Variants in TAPT1 observed in about 807,000 individuals in gnomAD.
TAPT1 encodes transmembrane anterior posterior transformation protein 1 homolog.
In TAPT1, 28 loss-of-function variants were observed where a neutral mutation model predicts 65.6. The ratio of observed to expected loss-of-function variants is 0.43; its 90% CI spans 0.32 to 0.59. The LOEUF (loss-of-function observed/expected upper bound fraction) is 0.59. Ranked by LOEUF, TAPT1 falls within the 20% of genes least tolerant of loss-of-function variation. TAPT1 has a pLI of 0.09. For missense variants in TAPT1, 563 were observed against 679.9 expected (o/e 0.83, Z 1.91); for synonymous variants, 278 against 245.2 (o/e 1.13, Z -1.25).
At chr4:16,222,840 T>C (rs571849268) in intron 1 of TAPT1, among the ~76,000 whole-genome samples, 24 of 152,302 alleles carry the variant, frequency 1.6e-4, no homozygotes, top group African/African-American at 4.3e-4. Flanking sequence ...GTTTTAGAAG[T>C]CCAGAGTCAC....
At chr4:16,190,209 G>C (rs1370049730) in intron 4 of TAPT1, 4 of 152,294 alleles carry the variant, frequency 2.6e-5, no homozygotes, top group Non-Finnish European at 4.4e-5. Context: ...TGCAGCTTCA[G>C]AGCAGAAAGG....
At position 16,162,528 on chromosome 4, in the gene TAPT1, C is replaced by T. The variant is rs1747322991; in HGVS notation, c.*780G>A. 6.5e-6 allele frequency: 1 copy of T among 152,962 alleles called. No individual in the cohort carries two copies. Among genetic ancestry groups the T allele is most frequent in the Admixed American group, 6.5e-5 (1 of 15,342 alleles). The allele number at this position is 152,962 out of a possible 1,614,324, so 9.5% of individuals were successfully genotyped here. ...TAAGTATACCTTAAAGTTAACACTG[C>T]TCTGCTTCCTTGGTGTAAAAAGTGC... On this transcript the variant is annotated 3_prime_UTR_variant, in exon 14 of 14. Transcript: ENST00000405303.
chr4:16,216,747 G>T (rs1258277343), intron 1 of TAPT1, among the ~76,000 whole-genome samples: 1 of 152,042 alleles, frequency 6.6e-6, no homozygotes, highest in Non-Finnish European at 1.5e-5. Flanking sequence ...CTCTCTCCAG[G>T]TTATTGCAAA....
At chr4:16,185,408 A>G (rs1197169446) in intron 7 of TAPT1, among the ~76,000 whole-genome samples, 1 of 150,792 alleles carries the variant, frequency 6.6e-6, no homozygotes, top group East Asian at 2.0e-4. Flanking sequence ...CACTCTAGTC[A>G]CCCAGGCTGG....
Position 16,226,424 on chromosome 4 carries a change from C to T in TAPT1, c.34G>A (p.Glu12Lys), listed in dbSNP as rs1371169744. Residue 12 changes from glutamate to lysine, a missense_variant, in exon 1 of 14, where the codon GAA (glutamate) becomes AAA (lysine). By Grantham distance (56) the Glu-to-Lys change is moderately conservative (BLOSUM62 1). This residue lies in a region of TAPT1 where 103 missense variants were observed against 89.4 expected (regional missense o/e 1.15). Coordinates refer to ENST00000405303, the MANE Select transcript of TAPT1 (RefSeq NM_153365.3). ...AGVGDAAAPG[E>K]GGGGGVDGPQ... ...CCGTCCACGCCGCCACCGCCGCCTT[C>T]TCCCGGAGCGGCCGCGTCGCCGACG... 1 of 1,083,766 alleles carries T rather than the reference C, an allele frequency of 9.2e-7. No homozygotes were observed. 67.1% of individuals were successfully genotyped at this position (1,083,766 alleles called of 1,614,324 possible).
At chr4:16,185,367 G>A (rs317871) in intron 7 of TAPT1, among the ~76,000 whole-genome samples, 71,379 of 150,974 alleles carry the variant, frequency 0.47, 18,043 homozygotes, top group African/African-American at 0.66. Context: ...TGGAATCATC[G>A]TAATTTTTTT....
At chr4:16,213,246 G>A (rs1391464492) in intron 2 of TAPT1, among the ~76,000 whole-genome samples, 4 of 152,184 alleles carry the variant, frequency 2.6e-5, no homozygotes, top group African/African-American at 7.2e-5. Context: ...AATAAGACAC[G>A]TGAAGATGTA....
chr4:16,213,028 G>A lies in TAPT1; in HGVS notation c.330+740C>T, dbSNP rs374679808. Among the ~76,000 whole-genome samples, 40 of 152,296 alleles carry A rather than the reference G, an allele frequency of 2.6e-4. 1 individual carries two copies. In the East Asian group the frequency reaches 2.9e-3, roughly 11 times the overall value. On this transcript the variant is annotated intron_variant, in intron 2 of 13. Transcript: ENST00000405303. ...ACTCCAACAGAAAGTATGATTCTAAGAAGACGACTGGACTATTACAAGATT... is the reference window on the plus strand; with the variant it reads ...ACTCCAACAGAAAGTATGATTCTAAAAAGACGACTGGACTATTACAAGATT...
chr4:16,184,848 T>G (rs1249950081), intron 7 of TAPT1, among the ~76,000 whole-genome samples: 1 of 152,256 alleles, frequency 6.6e-6, no homozygotes, highest in East Asian at 1.9e-4. Flanking sequence ...GTTTGTTATA[T>G]ATTCAGAAAA....
At chr4:16,166,891 T>C (rs1342095786) in intron 12 of TAPT1, 98 bp from the exon 13 acceptor site, 1 of 1,183,546 alleles carries the variant, frequency 8.4e-7, no homozygotes, top group Non-Finnish European at 1.2e-6. Flanking sequence ...TGGGGGGGCA[T>C]GGGACGGTGA....
intron 12 of TAPT1, among the ~76,000 whole-genome samples, chr4:16,170,123 C>T (rs1747898942): frequency 6.6e-6 from 1 of 152,202 alleles, no homozygotes; most frequent in Non-Finnish European, 1.5e-5. Flanking sequence ...TTTCTTCATA[C>T]CATTTATTTC....
Position 16,163,639 on chromosome 4 carries a change from C to T in TAPT1, c.1475-102G>A, listed in dbSNP as rs141289605. 1,541 of 851,946 alleles carry T rather than the reference C, an allele frequency of 1.8e-3. 1 individual carries two copies. Among genetic ancestry groups the T allele is most frequent in the Non-Finnish European group, 2.6e-3 (1,419 of 548,352 alleles). The allele number at this position is 851,946 out of a possible 1,614,324, so 52.8% of individuals were successfully genotyped here. Reference sequence around the variant, plus strand: ...TGGTGCTGAAAAAAGTGCCCATTATCCATGCTTTCCGATAAAGCAAATGAT... The same window carrying T: ...TGGTGCTGAAAAAAGTGCCCATTATTCATGCTTTCCGATAAAGCAAATGAT... On this transcript the variant is annotated intron_variant, in intron 13 of 13. Transcript: ENST00000405303.
intron 7 of TAPT1, among the ~76,000 whole-genome samples, chr4:16,182,072 A>G (rs549475356): frequency 2.0e-5 from 3 of 152,326 alleles, no homozygotes; most frequent in African/African-American, 7.2e-5. Context: ...TATAAAAATG[A>G]GGCTGTTATG....
intron 1 of TAPT1, among the ~76,000 whole-genome samples, chr4:16,218,936 T>C (rs996694899): frequency 2.0e-5 from 3 of 152,342 alleles, no homozygotes; most frequent in African/African-American, 7.2e-5. Context: ...CTGAGTGTTT[T>C]AATTACAAGT....
intron 2 of TAPT1, 123 bp from the exon 3 acceptor site, chr4:16,202,703 G>A (rs1750110843): frequency 1.8e-6 from 1 of 550,990 alleles, no homozygotes; most frequent in South Asian, 2.2e-5. Context: ...CTTAGCCCTG[G>A]GAATAACAAA....
intron 1 of TAPT1, among the ~76,000 whole-genome samples, chr4:16,225,541 T>C (rs1365305821): frequency 6.6e-6 from 1 of 152,234 alleles, no homozygotes; most frequent in Admixed American, 6.5e-5. Flanking sequence ...TGAATACAAA[T>C]GCAAGTTTTA....
At position 16,163,119 on chromosome 4, in the gene TAPT1, C is replaced by G; in HGVS notation, c.*189G>C. On this transcript the variant is annotated 3_prime_UTR_variant, in exon 14 of 14. Coordinates refer to ENST00000405303, the MANE Select transcript of TAPT1 (RefSeq NM_153365.3). The stretch of plus-strand genomic sequence containing the variant: ...TTCCCAGACAGTCAAGGCCGGAGGT[C>G]GCTCCTGTCCTGTGGTCTGACCCTC... 1 of 650,882 alleles carries G rather than the reference C, an allele frequency of 1.5e-6. No homozygotes were observed. The highest frequency in any genetic ancestry group is 2.8e-6 in the Non-Finnish European group (1 of 351,924). The allele number at this position is 650,882 out of a possible 1,614,324, so 40.3% of individuals were successfully genotyped here. A position where few individuals can be genotyped will look rare whatever the true frequency, so the allele number is the denominator to read the frequency against.
chr4:16,226,583 C>G (rs1751586561), upstream of TAPT1: 1 of 639,152 alleles, frequency 1.6e-6, no homozygotes, highest in South Asian at 6.6e-5. Context: ...CCATCCGCGG[C>G]CCGCCGACCG....
At chr4:16,167,736 GTTA>G (rs1747734359) in intron 12 of TAPT1, among the ~76,000 whole-genome samples, 1 of 152,072 alleles carries the variant, frequency 6.6e-6, no homozygotes, top group Non-Finnish European at 1.5e-5. Context: ...AAGCAATTTT[GTTA>G]TTATTGTTGT....
Sources: gnomAD v4.1 joint callset for allele counts (sites outside exome capture counted in the v4.1 genomes callset) on GRCh38, gnomAD v4.1.1 for gene constraint, gnomAD v4.1.1 regional missense constraint, MANE v1.5 for transcripts, NCBI Gene and HGNC (gene_info 2026-07-23, HGNC 2026-07-21) for gene names.